Variants in NEK10 observed in about 807,000 individuals in gnomAD.
The protein encoded by NEK10 is NIMA related kinase 10.
NEK10 carries 122 observed loss-of-function variants against 159.8 expected under a neutral mutation model. The ratio of observed to expected loss-of-function variants is 0.76; its 90% CI spans 0.66 to 0.89. The LOEUF is 0.89. NEK10 is among the 40% of genes least tolerant of loss of function. The probability of loss-of-function intolerance (pLI) is 0.00; values close to 1 mark genes in which losing one functional copy is unlikely to be tolerated. For synonymous variants in NEK10, 466 were observed against 457.1 expected, an observed-to-expected ratio of 1.02 and a Z score of -0.25; for missense variants, 1,342 against 1,323.1, an observed-to-expected ratio of 1.01 and a Z score of -0.22.
chr3:27,171,740 A>C, intron 29 of NEK10, 79 bp downstream of exon 29: 1 of 1,457,658 alleles, frequency 6.9e-7, no homozygotes, highest in East Asian at 2.3e-5. Context: ...ACTTCTGGCT[A>C]TCAGGTTTCA....
At chr3:27,145,902 C>CCATT (rs1944252235) in intron 30 of NEK10, among the ~76,000 whole-genome samples, 1 of 151,970 alleles carries the variant, frequency 6.6e-6, no homozygotes. Flanking sequence ...GGAATCAGTG[C>CCATT]CATTATAAAA....
intron 23 of NEK10, among the ~76,000 whole-genome samples, chr3:27,223,256 C>G (rs1952298858): frequency 6.6e-6 from 1 of 152,190 alleles, no homozygotes; most frequent in Admixed American, 6.5e-5. Flanking sequence ...TGTCTGGAAA[C>G]AAGGATCGTC....
At chr3:27,162,649 A>G (rs760999704) in intron 30 of NEK10, 52 bp downstream of exon 30, 1 of 1,614,104 alleles carries the variant, frequency 6.2e-7, no homozygotes, top group South Asian at 1.1e-5. Context: ...CATAAATTAC[A>G]TTGAATTTTA....
intron 25 of NEK10, among the ~76,000 whole-genome samples, chr3:27,200,002 A>G (rs751165375): frequency 6.6e-6 from 1 of 152,162 alleles, no homozygotes; most frequent in Non-Finnish European, 1.5e-5. Flanking sequence ...AAAAATAGCT[A>G]TTGGGCACTA....
At position 27,163,017 on chromosome 3, in the gene NEK10, C is replaced by T. The variant is rs923016506; in HGVS notation, c.2832-279G>A. ...AGGATCCTGAATAATTTTCTAGTTA[C>T]ACTTAAACTCAAAATATGATTTTGC... On this transcript the variant is annotated intron_variant, in intron 29 of 35. Coordinates refer to ENST00000691995, the MANE Select transcript of NEK10 (RefSeq NM_001394966.1). 2.0e-5 allele frequency among the ~76,000 whole-genome samples: 3 copies of T among 151,986 alleles called. No homozygotes were observed. In the South Asian group the frequency reaches 6.2e-4, roughly 32 times the overall value.
At chr3:27,142,508 T>TAA (rs529203992) in intron 30 of NEK10, among the ~76,000 whole-genome samples, 1 of 143,026 alleles carries the variant, frequency 7.0e-6, no homozygotes, top group African/African-American at 2.5e-5. Context: ...AATTTCCTTT[T>TAA]AAAAAAAAAA....
At chr3:27,173,054 C>T (rs1044239559) in intron 28 of NEK10, among the ~76,000 whole-genome samples, 3 of 152,164 alleles carry the variant, frequency 2.0e-5, no homozygotes, top group Non-Finnish European at 4.4e-5. Flanking sequence ...TTTCGGTTAC[C>T]TGAGCAATTG....
intron 26 of NEK10, among the ~76,000 whole-genome samples, chr3:27,179,217 A>C (rs1303843798): frequency 6.6e-6 from 1 of 152,172 alleles, no homozygotes; most frequent in Admixed American, 6.5e-5. Flanking sequence ...AAAATAACTA[A>C]TTTATATGGA....
At chr3:27,353,150 T>C (rs2048091396) in intron 1 of NEK10, among the ~76,000 whole-genome samples, 1 of 152,142 alleles carries the variant, frequency 6.6e-6, no homozygotes, top group Non-Finnish European at 1.5e-5. Context: ...TAAGTATGGG[T>C]TTGCCAGTAG....
chr3:27,128,762 C>T (rs1406884828), intron 32 of NEK10, among the ~76,000 whole-genome samples: 1 of 151,894 alleles, frequency 6.6e-6, no homozygotes, highest in African/African-American at 2.4e-5. Flanking sequence ...TTCAATTTGG[C>T]TCTTGAGAAC....
intron 23 of NEK10, among the ~76,000 whole-genome samples, chr3:27,232,138 G>A (rs1399119982): frequency 3.3e-5 from 5 of 151,078 alleles, no homozygotes; most frequent in South Asian, 4.2e-4. Flanking sequence ...ATAACACATC[G>A]TGATATGATC....
intron 19 of NEK10, among the ~76,000 whole-genome samples, chr3:27,290,372 T>C (rs1488975890): frequency 6.6e-6 from 1 of 152,228 alleles, no homozygotes; most frequent in Admixed American, 6.5e-5. Context: ...TTCTCATATA[T>C]GATGCATTCT....
intron 5 of NEK10, among the ~76,000 whole-genome samples, chr3:27,335,491 A>T (rs909587836): frequency 9.2e-5 from 14 of 152,218 alleles, no homozygotes; most frequent in African/African-American, 3.4e-4. Context: ...TTTAAACTGG[A>T]CATTAGACCA....
chr3:27,367,843 G>T (rs1201869870), intron 1 of NEK10, among the ~76,000 whole-genome samples: 1 of 152,134 alleles, frequency 6.6e-6, no homozygotes, highest in Non-Finnish European at 1.5e-5. Context: ...TGAGCAACAG[G>T]TGAGATAATT....
At chr3:27,129,815 A>G (rs1257667476) in intron 32 of NEK10, among the ~76,000 whole-genome samples, 1 of 152,206 alleles carries the variant, frequency 6.6e-6, no homozygotes, top group Non-Finnish European at 1.5e-5. Flanking sequence ...TTAAAACACA[A>G]TAATACAGGT....
chr3:27,182,219 C>T (rs13098500), intron 26 of NEK10, among the ~76,000 whole-genome samples: 65,050 of 151,944 alleles, frequency 0.43, 15,204 homozygotes, highest in African/African-American at 0.63. Flanking sequence ...AAAAATTATA[C>T]TGTGTGGTAA....
chr3:27,242,340 T>A (rs557515611), intron 23 of NEK10, among the ~76,000 whole-genome samples: 1 of 152,356 alleles, frequency 6.6e-6, no homozygotes, highest in South Asian at 2.1e-4. Flanking sequence ...GATTGATCAA[T>A]CTATTGCCAT....
intron 32 of NEK10, among the ~76,000 whole-genome samples, chr3:27,125,077 T>A (rs1380682969): frequency 2.0e-5 from 3 of 150,792 alleles, no homozygotes; most frequent in Admixed American, 6.6e-5. Context: ...AATGACTGAA[T>A]ATACTTTCGA....
chr3:27,202,382 G>A (rs1277157363), intron 24 of NEK10, 46 bp downstream of exon 24: 1 of 1,537,630 alleles, frequency 6.5e-7, no homozygotes, highest in Non-Finnish European at 8.8e-7. Context: ...AAAAAGAATT[G>A]CATTTTTAGC....
Sources: allele counts gnomAD v4.1 joint callset (sites outside exome capture counted in the v4.1 genomes callset), GRCh38; gene constraint gnomAD v4.1.1; transcripts MANE v1.5; gene names NCBI Gene and HGNC (gene_info 2026-07-23, HGNC 2026-07-21).